DIP2C: variants seen among roughly 807,000 people sequenced by gnomAD.
The protein encoded by DIP2C is DIP2 acetate--CoA ligase C (putative), also known as disco-interacting protein 2 homolog C.
Under a neutral mutation model 192.4 loss-of-function variants are expected in DIP2C, and 33 were observed. That is an observed-to-expected ratio of 0.17 (90% CI 0.13 to 0.23). The LOEUF (loss-of-function observed/expected upper bound fraction) is 0.23, where lower values mean the gene tolerates loss of function less well. Among genes scored for constraint, DIP2C ranks in the 10% least tolerant of loss-of-function variants. DIP2C has a pLI of 1.00. For missense variants in DIP2C, 1,537 were observed against 2,110.1 expected, an observed-to-expected ratio of 0.73 and a Z score of 5.32; for synonymous variants, 979 against 864.1, an observed-to-expected ratio of 1.13 and a Z score of -2.33.
intron 1 of DIP2C, among the ~76,000 whole-genome samples, chr10:490,554 G>T (rs762854931): frequency 2.6e-4 from 40 of 152,336 alleles, no homozygotes; most frequent in South Asian, 6.2e-4. Context: ...ACACCCTCAA[G>T]GCTGCTGTCA....
chr10:535,222 G>C (rs1470763952), intron 1 of DIP2C, among the ~76,000 whole-genome samples: 2 of 152,236 alleles, frequency 1.3e-5, no homozygotes, highest in Middle Eastern at 3.4e-3. Context: ...GAGACCCACA[G>C]CCCTAGGCGT....
intron 29 of DIP2C, among the ~76,000 whole-genome samples, chr10:336,666 C>T (rs1234756904): frequency 6.6e-6 from 1 of 152,350 alleles, no homozygotes; most frequent in Admixed American, 6.5e-5. Flanking sequence ...AATTGTAAAA[C>T]AGCCTCAGTG....
intron 1 of DIP2C, among the ~76,000 whole-genome samples, chr10:531,152 G>A (rs942512871): frequency 2.6e-5 from 4 of 152,058 alleles, no homozygotes; most frequent in Admixed American, 6.6e-5. Context: ...TGTTACGCTC[G>A]CCCCAAGGTG....
chr10:570,833 G>A (rs1849748095), intron 1 of DIP2C, among the ~76,000 whole-genome samples: 2 of 152,264 alleles, frequency 1.3e-5, no homozygotes, highest in South Asian at 4.1e-4. Flanking sequence ...AAGAAACGCA[G>A]AGCATGGAGC....
intron 3 of DIP2C, among the ~76,000 whole-genome samples, chr10:457,994 A>G (rs1969439710): frequency 6.6e-6 from 1 of 152,180 alleles, no homozygotes; most frequent in African/African-American, 2.4e-5. Flanking sequence ...CACCCACACC[A>G]TCCAGCATGA....
intron 1 of DIP2C, among the ~76,000 whole-genome samples, chr10:509,757 G>T (rs1444630063): frequency 6.6e-6 from 1 of 152,148 alleles, no homozygotes; most frequent in Non-Finnish European, 1.5e-5. Context: ...ATCCTGGAGA[G>T]CAGCTTGGAG....
At chr10:344,728 T>C in intron 28 of DIP2C, 81 bp downstream of exon 28, 3 of 1,202,368 alleles carry the variant, frequency 2.5e-6, no homozygotes, top group Non-Finnish European at 3.6e-6. Flanking sequence ...CGAGAGGCGC[T>C]GAGAGCCAGC....
At chr10:536,646 G>A (rs146669763) in intron 1 of DIP2C, among the ~76,000 whole-genome samples, 11 of 152,312 alleles carry the variant, frequency 7.2e-5, no homozygotes, top group Admixed American at 4.6e-4. Context: ...TTCAGAATTC[G>A]TTCATGGGAC....
Position 364,668 on chromosome 10 carries a change from G to A in DIP2C, c.2269-86C>T, listed in dbSNP as rs946772669. On this transcript the variant is annotated intron_variant, in intron 19 of 36. Transcript: ENST00000280886. ...CGCTACTCCTGGGAGCACGGCACCTGCTTTGCTTAAGCTCTGCCTTTCACC... is the reference window on the plus strand; with the variant it reads ...CGCTACTCCTGGGAGCACGGCACCTACTTTGCTTAAGCTCTGCCTTTCACC... 3.2e-5 allele frequency: 46 copies of A among 1,436,776 alleles called. 2 individuals carry two copies. Among genetic ancestry groups the A allele is most frequent in the Middle Eastern group, 3.6e-4 (2 of 5,522 alleles). 89.0% of individuals were successfully genotyped at this position (1,436,776 alleles called of 1,614,324 possible). A position where few individuals can be genotyped will look rare whatever the true frequency, so the allele number is the denominator to read the frequency against.
intron 32 of DIP2C, among the ~76,000 whole-genome samples, chr10:289,790 TG>T (rs1414296417): frequency 6.6e-6 from 1 of 152,036 alleles, no homozygotes; most frequent in East Asian, 1.9e-4. Context: ...CCTCTGGGAA[TG>T]GGGGTGTTTC....
At chr10:366,232 G>A (rs375045818) in intron 19 of DIP2C, 43 bp downstream of exon 19, 132 of 1,604,024 alleles carry the variant, frequency 8.2e-5, no homozygotes, top group Middle Eastern at 1.6e-4. Context: ...CTTTGGAGAC[G>A]GAGCCACAGA....
chr10:449,107 G>A (rs552312516), intron 3 of DIP2C, among the ~76,000 whole-genome samples: 1 of 151,648 alleles, frequency 6.6e-6, no homozygotes, highest in African/African-American at 2.4e-5. Flanking sequence ...GCGGCAGCAG[G>A]ACCCACTCAT....
intron 3 of DIP2C, among the ~76,000 whole-genome samples, chr10:447,313 A>G (rs78631444): frequency 0.046 from 2,641 of 57,310 alleles, no homozygotes; most frequent in East Asian, 0.13. Flanking sequence ...AGCAGGACCC[A>G]CTCACCCCTG....
intron 10 of DIP2C, among the ~76,000 whole-genome samples, chr10:392,701 T>C (rs1963567669): frequency 6.6e-6 from 1 of 151,886 alleles, no homozygotes; most frequent in East Asian, 1.9e-4. Flanking sequence ...TCAACACACA[T>C]ACGTGCCCAG....
intron 1 of DIP2C, chr10:665,426 G>A (rs1023933012): frequency 2.0e-5 from 3 of 152,218 alleles, no homozygotes; most frequent in Admixed American, 2.0e-4. Context: ...TTTTAATTGT[G>A]TGAGTCCAGT....
In DIP2C at chr10:369,480, C is replaced by T. The variant is rs377574007; in HGVS notation, c.2131+14G>A. On this transcript the variant is annotated intron_variant, in intron 18 of 36. Coordinates refer to ENST00000280886, the MANE Select transcript of DIP2C (RefSeq NM_014974.3). ...ATAACTGGTTAATCTGTGCAGCTCGCGACCCACACTCACCTCCAGGCATCA... is the reference window on the plus strand; with the variant it reads ...ATAACTGGTTAATCTGTGCAGCTCGTGACCCACACTCACCTCCAGGCATCA... 49 of 1,527,202 alleles carry T rather than the reference C, an allele frequency of 3.2e-5. No individual in the cohort carries two copies. The highest frequency in any genetic ancestry group is 3.6e-4 in the Middle Eastern group (2 of 5,632). 94.6% of individuals were successfully genotyped at this position (1,527,202 alleles called of 1,614,324 possible). A position where few individuals can be genotyped will look rare whatever the true frequency, so the allele number is the denominator to read the frequency against.
At chr10:419,293 G>A (rs1162165899) in intron 5 of DIP2C, 94 bp from the exon 6 acceptor site, 1 of 1,567,800 alleles carries the variant, frequency 6.4e-7, no homozygotes, top group African/African-American at 1.3e-5. Flanking sequence ...TGAAGCACAG[G>A]TGCTCACCCT....
chr10:567,996 G>C (rs116599763), intron 1 of DIP2C, among the ~76,000 whole-genome samples: 1,598 of 152,306 alleles, frequency 0.01, 30 homozygotes, highest in African/African-American at 0.036. Context: ...GTCCCACCGA[G>C]CTTCCCACAC....
At chr10:482,443 G>C (rs1843677112) in intron 2 of DIP2C, among the ~76,000 whole-genome samples, 1 of 152,148 alleles carries the variant, frequency 6.6e-6, no homozygotes, top group Non-Finnish European at 1.5e-5. Context: ...CTCTTCCCTG[G>C]AGAGGCCGCT....
Sources: gnomAD v4.1 joint callset for allele counts (sites outside exome capture counted in the v4.1 genomes callset) on GRCh38, gnomAD v4.1.1 for gene constraint, MANE v1.5 for transcripts, NCBI Gene and HGNC (gene_info 2026-07-23, HGNC 2026-07-21) for gene names.